FSTL5: variants seen among roughly 807,000 people sequenced by gnomAD.
FSTL5 encodes the protein follistatin like 5, also known as follistatin-related protein 5.
In FSTL5, 62 loss-of-function variants were observed where a neutral mutation model predicts 89.1. That is an observed-to-expected ratio of 0.70 (90% confidence interval 0.57 to 0.86). FSTL5 has a LOEUF of 0.86. Among genes scored for constraint, FSTL5 ranks in the 40% least tolerant of loss-of-function variants. FSTL5 has a pLI of 0.00. For missense variants in FSTL5, 1,057 were observed against 1,001.6 expected (o/e 1.06, Z -0.75); for synonymous variants, 383 against 346.2 (o/e 1.11, Z -1.18).
At chr4:161,607,317 C>A (rs1243936141) in intron 7 of FSTL5, among the ~76,000 whole-genome samples, 1 of 152,026 alleles carries the variant, frequency 6.6e-6, no homozygotes, top group African/African-American at 2.4e-5. Flanking sequence ...TTTCTGTGTG[C>A]AGCTAGATGA....
At chr4:162,066,379 T>TCTTCTTCTTCTC (rs1738915941) in intron 2 of FSTL5, among the ~76,000 whole-genome samples, 2 of 137,042 alleles carry the variant, frequency 1.5e-5, no homozygotes, top group Non-Finnish European at 3.2e-5. Context: ...TTCTCCTTCT[T>TCTTCTTCTTCTC]CTTCTTCTTC....
At chr4:161,919,003 T>C (rs376368583) in intron 4 of FSTL5, among the ~76,000 whole-genome samples, 28 of 152,202 alleles carry the variant, frequency 1.8e-4, no homozygotes, top group East Asian at 1.7e-3. Context: ...AACCCTCAAT[T>C]TGAGAATATG....
At chr4:161,757,549 C>T (rs1441857990) in intron 6 of FSTL5, among the ~76,000 whole-genome samples, 1 of 152,060 alleles carries the variant, frequency 6.6e-6, no homozygotes, top group Non-Finnish European at 1.5e-5. Flanking sequence ...AGAAACTCAG[C>T]CACCTATTTG....
chr4:161,878,813 G>A (rs1171999577), intron 4 of FSTL5, among the ~76,000 whole-genome samples: 1 of 152,030 alleles, frequency 6.6e-6, no homozygotes, highest in African/African-American at 2.4e-5. Context: ...TAATGATAAC[G>A]ATAGCAAATT....
intron 8 of FSTL5, among the ~76,000 whole-genome samples, chr4:161,565,749 A>ACACACG (rs1303090846): frequency 6.8e-6 from 1 of 146,542 alleles, no homozygotes; most frequent in African/African-American, 2.6e-5. Context: ...TGAGACACAC[A>ACACACG]CACACACACA....
chr4:161,655,509 T>C (rs1736484576), intron 7 of FSTL5, among the ~76,000 whole-genome samples: 2 of 152,142 alleles, frequency 1.3e-5, no homozygotes, highest in Non-Finnish European at 1.5e-5. Context: ...TTCTAGAATG[T>C]GTTTCATAGG....
chr4:161,615,212 TGAA>T (rs1734807040), intron 7 of FSTL5, among the ~76,000 whole-genome samples: 2 of 147,278 alleles, frequency 1.4e-5, no homozygotes. Context: ...GAGAATGGCG[TGAA>T]CCCGGGAGGC....
intron 2 of FSTL5, among the ~76,000 whole-genome samples, chr4:162,092,309 G>C (rs1005453650): frequency 5.3e-5 from 8 of 151,946 alleles, no homozygotes; most frequent in Admixed American, 5.3e-4. Flanking sequence ...TTATACACCT[G>C]GAATTCCTTC....
rs957650030 is a variant in FSTL5, at chr4:161,565,476, T to C, written c.1015+21979A>G. On this transcript the variant is annotated intron_variant, in intron 8 of 15. Coordinates refer to ENST00000306100, the MANE Select transcript of FSTL5 (RefSeq NM_020116.5). ...CATTTTTCTCTCTGATCCTCATATA[T>C]AATTATTTATCTTACACAAGTGGCA... Among the ~76,000 whole-genome samples, 8 of 151,970 alleles carry C rather than the reference T, an allele frequency of 5.3e-5. No individual in the cohort carries two copies. The East Asian group carries it at 1.6e-3, about 29-fold the overall frequency.
At chr4:161,538,133 T>C (rs1731694049) in intron 10 of FSTL5, 33 bp downstream of exon 10, 1 of 1,601,030 alleles carries the variant, frequency 6.2e-7, no homozygotes, top group Non-Finnish European at 8.5e-7. Context: ...TTGAATATGG[T>C]GTGTGTGTGC....
At chr4:161,737,820 GTTTTCAGACC>G (rs1739870940) in intron 6 of FSTL5, among the ~76,000 whole-genome samples, 1 of 151,880 alleles carries the variant, frequency 6.6e-6, no homozygotes, top group Non-Finnish European at 1.5e-5. Context: ...TTGGGGAGCA[GTTTTCAGACC>G]TTTCTGAATC....
chr4:161,537,101 T>C (rs558536984), intron 10 of FSTL5, among the ~76,000 whole-genome samples: 1 of 152,216 alleles, frequency 6.6e-6, no homozygotes, highest in South Asian at 2.1e-4. Context: ...AATGATATGC[T>C]AGTAGTTGGG....
chr4:161,624,684 A>G (rs957507875), intron 7 of FSTL5, among the ~76,000 whole-genome samples: 4 of 152,078 alleles, frequency 2.6e-5, no homozygotes, highest in Non-Finnish European at 5.9e-5. Context: ...TGAGAAAAAA[A>G]AATATTATCT....
intron 4 of FSTL5, among the ~76,000 whole-genome samples, chr4:161,885,635 G>C (rs556143109): frequency 5.3e-5 from 8 of 152,040 alleles, no homozygotes; most frequent in Admixed American, 1.3e-4. Flanking sequence ...TTTTAGTAGA[G>C]ACAGGGTTTC....
At chr4:162,050,250 A>C (rs1182466074) in intron 2 of FSTL5, among the ~76,000 whole-genome samples, 2 of 151,604 alleles carry the variant, frequency 1.3e-5, no homozygotes, top group African/African-American at 4.8e-5. Context: ...AAATTTAAAG[A>C]GACTAATTAC....
intron 8 of FSTL5, among the ~76,000 whole-genome samples, chr4:161,584,593 C>T (rs965325139): frequency 6.6e-6 from 1 of 152,166 alleles, no homozygotes; most frequent in African/African-American, 2.4e-5. Flanking sequence ...AAATGTTCTC[C>T]TTTAAAAGAG....
intron 3 of FSTL5, among the ~76,000 whole-genome samples, chr4:161,979,270 G>A (rs1735749323): frequency 6.6e-6 from 1 of 152,110 alleles, no homozygotes; most frequent in Non-Finnish European, 1.5e-5. Flanking sequence ...TCAGAAACAT[G>A]TGGCATAGAT....
At chr4:161,941,263 G>T (rs1326422300) in intron 3 of FSTL5, among the ~76,000 whole-genome samples, 7 of 151,750 alleles carry the variant, frequency 4.6e-5, no homozygotes. Context: ...AAATATGTAA[G>T]ATGTATGAAA....
At chr4:162,015,634 C>T (rs905884311) in intron 3 of FSTL5, among the ~76,000 whole-genome samples, 7 of 152,132 alleles carry the variant, frequency 4.6e-5, no homozygotes. Context: ...TATTCACTGA[C>T]CAAGTAGCTT....
Sources: gnomAD v4.1 joint callset for allele counts (sites outside exome capture counted in the v4.1 genomes callset) on GRCh38, gnomAD v4.1.1 for gene constraint, MANE v1.5 for transcripts, NCBI Gene and HGNC (gene_info 2026-07-23, HGNC 2026-07-21) for gene names.